NAV1: variants seen among roughly 807,000 people sequenced by gnomAD.
The protein encoded by NAV1 is neuron navigator 1.
NAV1 carries 18 observed loss-of-function variants against 175.2 expected under a neutral mutation model. The observed-to-expected ratio is 0.10, with a 90% CI of 0.07 to 0.15. NAV1 has a LOEUF of 0.15. NAV1 is among the 10% of genes least tolerant of loss of function. The pLI is 1.00. For missense variants in NAV1, 1,731 were observed against 2,436.6 expected (o/e 0.71, Z 6.10); for synonymous variants, 897 against 978.7 (o/e 0.92, Z 1.56).
intron 3 of NAV1, chr1:201,739,735 T>C: frequency 8.7e-7 from 1 of 1,151,790 alleles, no homozygotes; most frequent in Non-Finnish European, 1.1e-6. Context: ...GCTCTTTGTC[T>C]ACCTGCTCTG....
intron 3 of NAV1, among the ~76,000 whole-genome samples, chr1:201,771,474 G>A (rs1205259726): frequency 1.4e-5 from 2 of 147,746 alleles, no homozygotes; most frequent in Non-Finnish European, 1.5e-5. Context: ...ACTCCAGCCT[G>A]GGGAACAAGA....
chr1:201,756,820 C>CTTTCTTTTTCTTTCTT (rs757683788), intron 3 of NAV1, among the ~76,000 whole-genome samples: 1 of 29,118 alleles, frequency 3.4e-5, no homozygotes. Context: ...TTCTTTCTTT[C>CTTTCTTTTTCTTTCTT]TTTCTTTCTT....
chr1:201,689,687 G>A (rs139298812), intron 1 of NAV1, among the ~76,000 whole-genome samples: 18 of 152,204 alleles, frequency 1.2e-4, no homozygotes, highest in South Asian at 2.1e-4. Context: ...TCCTGTGGCC[G>A]CCCAAGACCA....
intron 2 of NAV1, among the ~76,000 whole-genome samples, chr1:201,614,829 C>G (rs1176299052): frequency 1.3e-5 from 2 of 152,158 alleles, no homozygotes; most frequent in Non-Finnish European, 2.9e-5. Flanking sequence ...TGAGAAAGTT[C>G]CTTAGCCTCT....
At chr1:201,630,565 G>C (rs947578117) in intron 2 of NAV1, among the ~76,000 whole-genome samples, 1 of 152,172 alleles carries the variant, frequency 6.6e-6, no homozygotes, top group African/African-American at 2.4e-5. Flanking sequence ...TTCTAGGCCT[G>C]GTCTATAGCA....
chr1:201,703,670 G>A (rs975172023), intron 1 of NAV1, among the ~76,000 whole-genome samples: 1 of 152,196 alleles, frequency 6.6e-6, no homozygotes, highest in Non-Finnish European at 1.5e-5. Flanking sequence ...TCGTCTCCCC[G>A]GCCCAAGTTT....
intron 28 of NAV1, among the ~76,000 whole-genome samples, chr1:201,814,447 C>T (rs1678896564): frequency 1.3e-5 from 2 of 151,962 alleles, no homozygotes; most frequent in Non-Finnish European, 2.9e-5. Context: ...TTAAAACCAC[C>T]TCAGTTTTCT....
intron 2 of NAV1, among the ~76,000 whole-genome samples, chr1:201,606,806 C>G (rs910768300): frequency 6.6e-6 from 1 of 152,206 alleles, no homozygotes; most frequent in Non-Finnish European, 1.5e-5. Flanking sequence ...CACTGCTGAG[C>G]AAGGCCATTT....
intron 3 of NAV1, among the ~76,000 whole-genome samples, chr1:201,745,561 G>C (rs1673716435): frequency 6.6e-6 from 1 of 152,192 alleles, no homozygotes; most frequent in African/African-American, 2.4e-5. Flanking sequence ...TAGCCTGAAA[G>C]ACTGATGGTG....
Position 201,602,498 on chromosome 1 carries a change from G to C in NAV1, c.-33+13849G>C, listed in dbSNP as rs1390674256. Among the ~76,000 whole-genome samples, 7 of 151,984 alleles carry C rather than the reference G, an allele frequency of 4.6e-5. No individual in the cohort carries two copies. The East Asian group carries it at 5.8e-4, about 13-fold the overall frequency. Reference sequence around the variant, plus strand: ...TGAGATTACAGGTGTGTGCCACCAGGCTGGCTAATTTGTTTTGTGTTTTTA... The same window carrying C: ...TGAGATTACAGGTGTGTGCCACCAGCCTGGCTAATTTGTTTTGTGTTTTTA... On this transcript the variant is annotated intron_variant, in intron 2 of 33. Coordinates refer to the NAV1 transcript ENST00000685211.
chr1:201,705,547 G>A (rs1374257349), intron 1 of NAV1, among the ~76,000 whole-genome samples: 3 of 152,188 alleles, frequency 2.0e-5, no homozygotes, highest in Non-Finnish European at 4.4e-5. Context: ...GGGAGCAGGA[G>A]CACTCAACTA....
At chr1:201,785,282 CTTTTT>C (rs36061932) in intron 7 of NAV1, 23 bp from the exon 12 acceptor site, 1,741 of 1,465,364 alleles carry the variant, frequency 1.2e-3, no homozygotes, top group South Asian at 3.3e-3. Context: ...CTCTCTCTCT[CTTTTT>C]TTTTTTTTTT....
intron 1 of NAV1, among the ~76,000 whole-genome samples, chr1:201,656,808 A>G (rs1276642712): frequency 2.0e-5 from 3 of 152,206 alleles, no homozygotes; most frequent in African/African-American, 7.2e-5. Flanking sequence ...ACCCTGGTGG[A>G]ACAGCTTCCC....
chr1:201,821,356 A>T (rs184938367), exon 30 of NAV1: 1 of 152,716 alleles, frequency 6.5e-6, no homozygotes, highest in East Asian at 1.9e-4. Context: ...AAGGAGTTTG[A>T]CTTGGTGGCC....
chr1:201,776,635 C>G (rs1230179741), intron 3 of NAV1, among the ~76,000 whole-genome samples: 1 of 115,606 alleles, frequency 8.7e-6, no homozygotes, highest in Non-Finnish European at 1.8e-5. Context: ...AGCAAGACTC[C>G]ATCTCAAAAA....
intron 1 of NAV1, among the ~76,000 whole-genome samples, chr1:201,664,212 G>A (rs539528031): frequency 7.2e-5 from 11 of 152,262 alleles, no homozygotes; most frequent in African/African-American, 9.6e-5. Context: ...GTGGTGGTGC[G>A]CGTCTTATAA....
chr1:201,642,055 TTTTC>T lies in NAV1; in HGVS notation c.5-6571_5-6568del, dbSNP rs529677270. Reference sequence around the variant, plus strand: ...TTCCTCCTTCCTTTCCTTCCTTCCCTTTTCTTTCTTTTTTTCCTTCCTCCCTCCC... The same window carrying T: ...TTCCTCCTTCCTTTCCTTCCTTCCCTTTTCTTTTTTTCCTTCCTCCCTCCC... On this transcript the variant is annotated intron_variant, in intron 2 of 29. Coordinates refer to the NAV1 transcript ENST00000367302. Among the ~76,000 whole-genome samples the T allele has an allele frequency of 3.7e-4, 55 of 150,136 alleles. No individual in the cohort carries two copies. The East Asian group carries it at 3.9e-3, about 11-fold the overall frequency.
chr1:201,568,089 A>G (rs1666414822), intron 1 of NAV1, among the ~76,000 whole-genome samples: 1 of 152,094 alleles, frequency 6.6e-6, no homozygotes, highest in South Asian at 2.1e-4. Context: ...GTACCTAAGG[A>G]GTAATTGGAG....
rs758455270 is a variant in NAV1, at chr1:201,544,032, C to T, written c.-144+4690C>T. On this transcript the variant is annotated intron_variant, in intron 1 of 33. Coordinates refer to the NAV1 transcript ENST00000685211. Reference sequence around the variant, plus strand: ...CAGAGATGAACTGATTGCTGGTCATCCTGAGACTCAGAGGGCACCACGCCC... The same window carrying T: ...CAGAGATGAACTGATTGCTGGTCATTCTGAGACTCAGAGGGCACCACGCCC... Among the ~76,000 whole-genome samples the T allele has an allele frequency of 5.5e-4, 84 of 152,356 alleles. 1 individual carries two copies. The highest frequency in any genetic ancestry group is 6.8e-3 in the Middle Eastern group (2 of 294).
Sources: gnomAD v4.1 joint callset for allele counts (sites outside exome capture counted in the v4.1 genomes callset) on GRCh38, gnomAD v4.1.1 for gene constraint, MANE v1.5 for transcripts, NCBI Gene and HGNC (gene_info 2026-07-23, HGNC 2026-07-21) for gene names.